SLC12A4: variants seen among roughly 807,000 people sequenced by gnomAD.
SLC12A4 encodes the protein electroneutral potassium-chloride cotransporter 1.
In SLC12A4, 84 loss-of-function variants were observed where a neutral mutation model predicts 119.2. That is an observed-to-expected ratio of 0.70 (90% CI 0.59 to 0.85). The LOEUF is 0.85. SLC12A4 is among the 40% of genes least tolerant of loss of function. SLC12A4 has a pLI of 0.00. For missense variants in SLC12A4, 1,298 were observed against 1,476.3 expected, an observed-to-expected ratio of 0.88 and a Z score of 1.98; for synonymous variants, 599 against 604.6, an observed-to-expected ratio of 0.99 and a Z score of 0.14.
chr16:67,946,895 C>T (rs2058356757), intron 17 of SLC12A4, 42 bp downstream of exon 17: 1 of 1,597,370 alleles, frequency 6.3e-7, no homozygotes, highest in Non-Finnish European at 8.5e-7. Context: ...GCAGTCCAGA[C>T]CCCTGTAGTC....
chr16:67,964,889 G>GGTGCT (rs2030792767), intron 1 of SLC12A4, among the ~76,000 whole-genome samples: 2 of 152,342 alleles, frequency 1.3e-5, no homozygotes, highest in South Asian at 4.1e-4. Context: ...CCACTCAGCA[G>GGTGCT]GTGCTGTGCT....
intron 16 of SLC12A4, 74 bp downstream of exon 16, chr16:67,947,257 C>T (rs2058361716): frequency 1.3e-6 from 2 of 1,520,868 alleles, no homozygotes; most frequent in Admixed American, 1.9e-5. Context: ...GGAGCCGGCA[C>T]CTCTCGACCC....
intron 1 of SLC12A4, chr16:67,963,981 G>A: frequency 1.3e-6 from 2 of 1,551,426 alleles, no homozygotes; most frequent in Non-Finnish European, 1.7e-6. Flanking sequence ...CGCCCAGGCA[G>A]TGCCCTCCAG....
rs778021260 is a variant in SLC12A4 at position 67,952,302 on chromosome 16, A to C, written c.799T>G (p.Phe267Val). ...IFLTFMTLVV[F>V]VGVKYVNKFA... The stretch of plus-strand genomic sequence containing the variant: ...TTGTTCACATACTTGACCCCCACAA[A>C]CACCACCAGGGTCATGAAGGTCAGG... Residue 267 changes from phenylalanine to valine, a missense_variant, in exon 7 of 24, where the codon TTT becomes GTT. Phe to Val is a conservative substitution (Grantham distance 50). Transcript: ENST00000316341. 6.2e-6 allele frequency: 10 copies of C among 1,614,096 alleles called. No individual in the cohort carries two copies. The South Asian group carries it at 8.8e-5, about 14-fold the overall frequency.
At chr16:67,961,743 C>T (rs764353636) in intron 2 of SLC12A4, 37 bp from the exon 3 acceptor site, 2 of 1,611,746 alleles carry the variant, frequency 1.2e-6, no homozygotes, top group Non-Finnish European at 1.7e-6. Context: ...GGCATTGGGC[C>T]AGGTGGGTGC....
At position 67,949,655 on chromosome 16, in the gene SLC12A4, T is replaced by C. The variant is rs2058390652; in HGVS notation, c.1748+145A>G. On this transcript the variant is annotated intron_variant, in intron 13 of 23. Transcript: ENST00000316341. This position sits in a 1 kb window ranked among gnomAD's most constrained non-coding sequence, Gnocchi z 4.6. ...CCAGGCTTGCTCCTAAATGCAGGGG[T>C]GGGCTGAGCCCTGTCAGGCCACATC... 1.7e-6 allele frequency: 1 copy of C among 596,198 alleles called. No individual in the cohort carries two copies. Among genetic ancestry groups the C allele is most frequent in the Non-Finnish European group, 2.9e-6 (1 of 341,398 alleles). The allele number at this position is 596,198 out of a possible 1,614,324, so 36.9% of individuals were successfully genotyped here.
At chr16:67,965,522 G>A (rs189174490) in intron 1 of SLC12A4, among the ~76,000 whole-genome samples, 1 of 152,234 alleles carries the variant, frequency 6.6e-6, no homozygotes, top group Admixed American at 6.5e-5. Context: ...CAATCACTTG[G>A]GGAGACACTT....
intron 5 of SLC12A4, among the ~76,000 whole-genome samples, chr16:67,956,844 A>ATG (rs985290222): frequency 1.1e-4 from 17 of 151,998 alleles, no homozygotes; most frequent in Non-Finnish European, 1.8e-4. Flanking sequence ...ATATATATAT[A>ATG]TATATATACA....
intron 6 of SLC12A4, 73 bp from the exon 7 acceptor site, chr16:67,952,498 T>C (rs1309958034): frequency 3.2e-5 from 50 of 1,566,572 alleles, no homozygotes; most frequent in Non-Finnish European, 3.9e-5. Flanking sequence ...TTGGTTTTCT[T>C]TTTACGAGTA....
chr16:67,954,579 T>C (rs2030141138), intron 6 of SLC12A4, 64 bp downstream of exon 6: 2 of 1,598,458 alleles, frequency 1.3e-6, no homozygotes, highest in East Asian at 2.2e-5. Context: ...CTGAGCCTTC[T>C]GTTTGGAGTC....
chr16:67,944,906 G>T lies in SLC12A4; in HGVS notation c.3192C>A (p.Thr1064=). ...ENYMEFLEVL[T]EGLERVLLVR... is the part of the protein sequence containing the mutation. The stretch of plus-strand genomic sequence containing the variant: ...CCAACAGCACCCGCTCAAGGCCCTC[G>T]GTCAGCACCTCGAGGAACTCCATGT... Residue 1064 remains threonine, a synonymous_variant, in exon 24 of 24, where the codon ACC becomes ACA. Coordinates refer to ENST00000316341, the MANE Select transcript of SLC12A4 (RefSeq NM_005072.5). The surrounding 1 kb of genome is among the most constrained non-coding windows in gnomAD (Gnocchi z 6.6). 1.2e-6 allele frequency: 2 copies of T among 1,613,424 alleles called. No individual in the cohort carries two copies. The highest frequency in any genetic ancestry group is 2.2e-5 in the South Asian group (2 of 91,082).
At chr16:67,947,817 G>A in intron 14 of SLC12A4, 29 bp from the exon 15 acceptor site, 2 of 1,563,588 alleles carry the variant, frequency 1.3e-6, no homozygotes, top group Non-Finnish European at 1.7e-6. Flanking sequence ...CAGAGTCAGG[G>A]CAGGACCAGG....
In SLC12A4 at chr16:67,957,947, G is replaced by A. The variant is rs1408688358; in HGVS notation, c.440C>T (p.Thr147Ile). Residue 147 changes from threonine (T) to isoleucine (I), a missense_variant, in exon 4 of 24, where the codon ACA becomes ATA. Transcript: ENST00000316341. ...LFLRLTWMVG[T>I]AGVLQALLIV... ...GAGGAGGGCCTGTAGCACACCTGCT[G>A]TGCCCACCATCCAGGTCAGCCGCAG... The A allele has an allele frequency of 4.3e-6, 7 of 1,614,100 alleles. No homozygotes were observed. Among genetic ancestry groups the A allele is most frequent in the Non-Finnish European group, 5.9e-6 (7 of 1,180,034 alleles).
Position 67,943,917 on chromosome 16 carries a change from G to T in SLC12A4, c.*923C>A. ...GGGCCCAGGCTCCCCAGGGTCTGGC[G>T]TGGTGCATCAGGGGCCTGGTGGGGG... On this transcript the variant is annotated 3_prime_UTR_variant, in exon 24 of 24. Transcript: ENST00000316341. This position sits in a 1 kb window ranked among gnomAD's most constrained non-coding sequence, Gnocchi z 4.6. The T allele has an allele frequency of 1.3e-6, 2 of 1,529,366 alleles. No individual in the cohort carries two copies. The highest frequency in any genetic ancestry group is 1.8e-6 in the Non-Finnish European group (2 of 1,133,554). The allele number at this position is 1,529,366 out of a possible 1,614,324, so 94.7% of individuals were successfully genotyped here.
rs528846352 is a variant in SLC12A4 at position 67,957,468 on chromosome 16, C to CT, written c.544+273dup. 1,191 of 427,824 alleles carry CT rather than the reference C, an allele frequency of 2.8e-3. 3 individuals are homozygous for CT. The highest frequency in any genetic ancestry group is 0.014 in the Middle Eastern group (20 of 1,480). The allele number at this position is 427,824 out of a possible 1,614,324, so 26.5% of individuals were successfully genotyped here. A position where few individuals can be genotyped will look rare whatever the true frequency, so the allele number is the denominator to read the frequency against. On this transcript the variant is annotated intron_variant, in intron 5 of 23. Transcript: ENST00000316341. ...ACAGGCATGAGCCACCGCGCCTGGCCTTTTTTTGCACTTTCAAACCCTCTT... is the reference window on the plus strand; with the variant it reads ...ACAGGCATGAGCCACCGCGCCTGGCCTTTTTTTTGCACTTTCAAACCCTCTT...
Position 67,968,599 on chromosome 16 carries a change from G to T in SLC12A4, c.-46C>A. 7.2e-7 allele frequency: 1 copy of T among 1,385,592 alleles called. No individual in the cohort carries two copies. 85.8% of individuals were successfully genotyped at this position (1,385,592 alleles called of 1,614,324 possible). On this transcript the variant is annotated 5_prime_UTR_variant, in exon 1 of 24. Transcript: ENST00000316341. Reference sequence around the variant, plus strand: ...GCACCCGCCGTCCCAGCCGCCCGCCGCTGTCCCCGCCGCTGTCCCCGCCGC... The same window carrying T: ...GCACCCGCCGTCCCAGCCGCCCGCCTCTGTCCCCGCCGCTGTCCCCGCCGC...
rs757736910 is a variant in SLC12A4 at position 67,951,889 on chromosome 16, A to G, written c.1066T>C (p.Tyr356His). ...PNLTTDSCDPYFMLNNVTEIP... is the reference protein window; with the variant it reads ...PNLTTDSCDPHFMLNNVTEIP... ...TCGGTCACATTGTTGAGCATGAAGT[A>G]GGGGTCACAGGAGTCGGTCGTAAGG... Residue 356 changes from tyrosine to histidine, a missense_variant, in exon 8 of 24, where the codon TAC becomes CAC. Tyr to His is a moderately conservative substitution (Grantham distance 83, BLOSUM62 2). Transcript: ENST00000316341. This position sits in a 1 kb window ranked among gnomAD's most constrained non-coding sequence, Gnocchi z 5.2. 5.0e-6 allele frequency: 8 copies of G among 1,613,808 alleles called. No homozygotes were observed. The African/African-American group carries it at 9.3e-5, about 19-fold the overall frequency.
intron 1 of SLC12A4, chr16:67,967,008 A>C: frequency 1.1e-6 from 1 of 881,690 alleles, no homozygotes; most frequent in Non-Finnish European, 1.6e-6. Context: ...AGCCCAGTCT[A>C]CCCTCTGGGG....
chr16:67,947,204 G>T (rs1486699519), intron 16 of SLC12A4, 99 bp from the exon 17 acceptor site: 7 of 1,507,810 alleles, frequency 4.6e-6, no homozygotes, highest in Non-Finnish European at 6.3e-6. Context: ...TGCAGGTTTG[G>T]GTAGCATGGC....
Sources: gnomAD v4.1 joint callset for allele counts (sites outside exome capture counted in the v4.1 genomes callset) on GRCh38, gnomAD v4.1.1 for gene constraint, Gnocchi (gnomAD v3.1) non-coding constraint, MANE v1.5 for transcripts, NCBI Gene and HGNC (gene_info 2026-07-23, HGNC 2026-07-21) for gene names.